Variants in FHDC1 observed in about 807,000 individuals in gnomAD.
The protein encoded by FHDC1 is FH2 domain-containing protein 1.
In FHDC1, 25 loss-of-function variants were observed where a neutral mutation model predicts 52.6. That is an observed-to-expected ratio of 0.48 (90% CI 0.35 to 0.66). The LOEUF is 0.66. Among genes scored for constraint, FHDC1 ranks in the 30% least tolerant of loss-of-function variants. The pLI, the probability that FHDC1 is intolerant of heterozygous loss-of-function variation, is 0.01. For synonymous variants in FHDC1, 616 were observed against 581.5 expected, an observed-to-expected ratio of 1.06 and a Z score of -0.85; for missense variants, 1,459 against 1,452.8, an observed-to-expected ratio of 1.00 and a Z score of -0.07.
chr4:152,963,769 GTTTTTTTTTTTTTTTTTT>G (rs58783965), intron 8 of FHDC1, among the ~76,000 whole-genome samples: 8 of 51,794 alleles, frequency 1.5e-4, no homozygotes, highest in African/African-American at 1.9e-4. Context: ...CCATTGCTTT[GTTTTTTTTTTTTTTTTTT>G]TTTTTTTTTT....
rs1423979455 is a variant in FHDC1, at chr4:152,977,461, CG to C, written c.*739del. ...AAAAAAATACATATGTATTTTTTTG[CG>C]ACAGGGTCGTGCTCTTGTCTCCCAG... On this transcript the variant is annotated 3_prime_UTR_variant, in exon 12 of 12. Transcript: ENST00000511601. 6.6e-6 allele frequency: 1 copy of C among 152,022 alleles called. No individual in the cohort carries two copies. The highest frequency in any genetic ancestry group is 1.9e-4 in the East Asian group (1 of 5,192). The allele number at this position is 152,022 out of a possible 1,614,324, so 9.4% of individuals were successfully genotyped here. A position where few individuals can be genotyped will look rare whatever the true frequency, so the allele number is the denominator to read the frequency against.
At chr4:152,973,593 A>C (rs1418739833) in intron 11 of FHDC1, among the ~76,000 whole-genome samples, 4 of 152,170 alleles carry the variant, frequency 2.6e-5, no homozygotes, top group Non-Finnish European at 4.4e-5. Flanking sequence ...CACCGGCCCC[A>C]CCACCACCAC....
At chr4:152,931,455 A>C (rs1046411921), upstream of FHDC1, among the ~76,000 whole-genome samples, 3 of 127,224 alleles carry the variant, frequency 2.4e-5, no homozygotes, top group African/African-American at 9.1e-5. Context: ...CAGCCTCTAA[A>C]ACACACACAC....
chr4:152,971,431 C>T (rs902146822), intron 10 of FHDC1, among the ~76,000 whole-genome samples: 9 of 152,120 alleles, frequency 5.9e-5, no homozygotes, highest in Non-Finnish European at 1.0e-4. Context: ...CCTTTTTCTC[C>T]GCACCATACT....
chr4:152,976,439 G>T lies in FHDC1; in HGVS notation c.3148G>T (p.Asp1050Tyr). 1 of 1,613,750 alleles carries T rather than the reference G, an allele frequency of 6.2e-7. No individual in the cohort carries two copies. The highest frequency in any genetic ancestry group is 8.5e-7 in the Non-Finnish European group (1 of 1,180,038). The change falls in exon 12 of 12, where the codon GAT (aspartate) becomes TAT (tyrosine). Residue 1050 changes from aspartate (D) to tyrosine (Y), a missense_variant. Asp to Tyr is a radical substitution (Grantham distance 160, BLOSUM62 -3). Around this residue, in one of 3 missense-constraint regions of FHDC1, gnomAD observed 939 missense variants for 854.5 expected, o/e 1.10. Transcript: ENST00000511601. ...VASSSRSMRT[D>Y]LPPVAKAPGI... ...CTCCTCCTCTCGAAGCATGAGAACAGATCTTCCTCCCGTGGCCAAAGCCCC... is the reference window on the plus strand; with the variant it reads ...CTCCTCCTCTCGAAGCATGAGAACATATCTTCCTCCCGTGGCCAAAGCCCC...
At chr4:152,925,661 AAG>A in the FHDC1 span, among the ~76,000 whole-genome samples, 2 of 152,140 alleles carry the variant, frequency 1.3e-5, no homozygotes, top group Admixed American at 6.6e-5. Flanking sequence ...GGTCTCCAAA[AAG>A]AGAATTAATA....
At chr4:152,930,300 T>C in the FHDC1 span, among the ~76,000 whole-genome samples, 1 of 152,252 alleles carries the variant, frequency 6.6e-6, no homozygotes, top group African/African-American at 2.4e-5. Context: ...ATTGGATACA[T>C]TGTAATGTAC....
the FHDC1 span, among the ~76,000 whole-genome samples, chr4:152,926,263 T>TAC: frequency 2.1e-4 from 8 of 37,402 alleles, 1 homozygote; most frequent in South Asian, 0.011. Context: ...GCCTTTAAAA[T>TAC]ACAGACACAC....
At chr4:152,928,128 C>T in the FHDC1 span, 1 of 976,440 alleles carries the variant, frequency 1.0e-6, no homozygotes, top group Non-Finnish European at 1.7e-6. Context: ...GAGTCCAGCG[C>T]AGACAGTGAA....
upstream of FHDC1, among the ~76,000 whole-genome samples, chr4:152,933,506 G>A (rs181290057): frequency 1.3e-4 from 20 of 151,922 alleles, no homozygotes; most frequent in Non-Finnish European, 2.5e-4. Flanking sequence ...AGGCTGAGGC[G>A]GGTGGATCAC....
chr4:152,949,760 G>A (rs1376676682), intron 2 of FHDC1, among the ~76,000 whole-genome samples: 2 of 152,182 alleles, frequency 1.3e-5, no homozygotes, highest in African/African-American at 4.8e-5. Flanking sequence ...TGGCAGTTGC[G>A]GGGAAACTGT....
intron 2 of FHDC1, among the ~76,000 whole-genome samples, chr4:152,949,859 T>C (rs1739869417): frequency 1.3e-5 from 2 of 152,212 alleles, no homozygotes; most frequent in Admixed American, 1.3e-4. Context: ...CATTACCTTA[T>C]ATTTCAAGCT....
At chr4:152,952,046 C>A (rs1739940494) in intron 2 of FHDC1, among the ~76,000 whole-genome samples, 1 of 152,062 alleles carries the variant, frequency 6.6e-6, no homozygotes, top group South Asian at 2.1e-4. Context: ...AACAAACAAA[C>A]AAACAAAAAA....
At chr4:152,920,317 AAC>A in the FHDC1 span, among the ~76,000 whole-genome samples, 1 of 151,708 alleles carries the variant, frequency 6.6e-6, no homozygotes, top group Non-Finnish European at 1.5e-5. Flanking sequence ...TGTGACAGAG[AAC>A]ACACACACAC....
At chr4:152,963,224 T>C (rs2149953477) in intron 8 of FHDC1, 94 bp downstream of exon 8, 1 of 1,104,102 alleles carries the variant, frequency 9.1e-7, no homozygotes, top group East Asian at 2.4e-5. Flanking sequence ...TCCAGCAGGG[T>C]TAGGAAAGGG....
At chr4:152,919,848 G>A in the FHDC1 span, among the ~76,000 whole-genome samples, 1 of 151,814 alleles carries the variant, frequency 6.6e-6, no homozygotes, top group African/African-American at 2.4e-5. Context: ...AGGCACACAA[G>A]GACTGGGTTG....
upstream of FHDC1, among the ~76,000 whole-genome samples, chr4:152,933,461 G>A (rs1324940731): frequency 2.6e-5 from 4 of 152,198 alleles, no homozygotes; most frequent in South Asian, 2.1e-4. Context: ...TAGGCCAGGC[G>A]TGGTGGCTTA....
intron 1 of FHDC1, among the ~76,000 whole-genome samples, chr4:152,940,028 G>A (rs1739532445): frequency 6.6e-6 from 1 of 152,240 alleles, no homozygotes; most frequent in South Asian, 2.1e-4. Flanking sequence ...TGGAGAGTGT[G>A]TGTTTGCATC....
chr4:152,960,659 A>ACAGTCGCTGGTTATTATTCTT lies in FHDC1; in HGVS notation c.749+12_749+32dup, dbSNP rs774234954. 8 of 1,614,000 alleles carry ACAGTCGCTGGTTATTATTCTT rather than the reference A, an allele frequency of 5.0e-6. No homozygotes were observed. In the South Asian group the frequency reaches 8.8e-5, roughly 18 times the overall value. On this transcript the variant is annotated intron_variant, in intron 5 of 11. Coordinates refer to ENST00000511601, the MANE Select transcript of FHDC1 (RefSeq NM_001371116.1). Reference sequence around the variant, plus strand: ...TTAATTCAGGTGCCAAAGTAAGGATACAGTCGCTGGTTATTATTCTTCACG... The same window carrying ACAGTCGCTGGTTATTATTCTT: ...TTAATTCAGGTGCCAAAGTAAGGATACAGTCGCTGGTTATTATTCTTCAGTCGCTGGTTATTATTCTTCACG...
Sources: gnomAD v4.1 joint callset for allele counts (sites outside exome capture counted in the v4.1 genomes callset) on GRCh38, gnomAD v4.1.1 for gene constraint, gnomAD v4.1.1 regional missense constraint, MANE v1.5 for transcripts, NCBI Gene and HGNC (gene_info 2026-07-23, HGNC 2026-07-21) for gene names.